The following NIT1 variants were observed in gnomAD, a reference collection of about 807,000 sequenced individuals.
NIT1 encodes the protein nitrilase 1.
In NIT1, 30 loss-of-function variants were observed where a neutral mutation model predicts 36.8. That is an observed-to-expected ratio of 0.82 (90% confidence interval 0.61 to 1.11). The LOEUF (loss-of-function observed/expected upper bound fraction) is 1.11, where lower values mean the gene tolerates loss of function less well. NIT1 is among the 50% of genes least tolerant of loss of function. The pLI is 0.00. For missense variants in NIT1, 438 were observed against 410.6 expected, an observed-to-expected ratio of 1.07 and a Z score of -0.58; for synonymous variants, 151 against 155.6, an observed-to-expected ratio of 0.97 and a Z score of 0.22.
chr1:161,124,401 T>C (rs771191193), downstream of NIT1: 3 of 1,613,352 alleles, frequency 1.9e-6, no homozygotes, highest in South Asian at 2.2e-5. Flanking sequence ...GTACAGCCCA[T>C]GTTCCTGCTC....
downstream of NIT1, chr1:161,125,445 A>T (rs1656063151): frequency 6.6e-6 from 1 of 152,188 alleles, no homozygotes; most frequent in African/African-American, 2.4e-5. Context: ...TTCTACAATA[A>T]GCATTCTTGT....
At chr1:161,119,454 T>C (rs865999622) in intron 3 of NIT1, 55 bp from the exon 4 acceptor site, 11 of 1,613,328 alleles carry the variant, frequency 6.8e-6, no homozygotes, top group East Asian at 4.5e-5. Context: ...TTGCCAGATA[T>C]GAGGGTAGAG....
chr1:161,122,550 G>C (rs1557976869), downstream of NIT1: 1 of 1,602,132 alleles, frequency 6.2e-7, no homozygotes, highest in South Asian at 1.1e-5. This position sits in a 1 kb window ranked among gnomAD's most constrained non-coding sequence, Gnocchi z 4.2. Flanking sequence ...ATACAGAGCA[G>C]AAGAGGTTAC....
In NIT1 at chr1:161,119,207, C is replaced by T; in HGVS notation, c.172C>T (p.Pro58Ser). Residue 58 changes from proline (P) to serine (S), a missense_variant, in exon 3 of 7, where the codon CCA (proline) becomes TCA (serine). Physicochemically the swap from Pro to Ser is moderately conservative, Grantham distance 74. Transcript: ENST00000368009. ...LVAVCQVTST[P>S]DKQQNFKTCA... ...GGCTGTGTGCCAGGTAACATCGACGCCAGACAAGCAACAGAACTTTAAAAC... is the reference window on the plus strand; with the variant it reads ...GGCTGTGTGCCAGGTAACATCGACGTCAGACAAGCAACAGAACTTTAAAAC... 1 of 1,614,204 alleles carries T rather than the reference C, an allele frequency of 6.2e-7. No homozygotes were observed.
At chr1:161,124,225 T>C (rs1198455155), downstream of NIT1, 2 of 1,614,244 alleles carry the variant, frequency 1.2e-6, no homozygotes, top group Non-Finnish European at 1.7e-6. Context: ...CGAAAGTTAC[T>C]TTCATCACAG....
chr1:161,123,072 C>T, downstream of NIT1: 1 of 1,614,216 alleles, frequency 6.2e-7, no homozygotes, highest in Non-Finnish European at 8.5e-7. Context: ...TGAACTTCCT[C>T]ACCACATGTC....
Position 161,118,135 on chromosome 1 carries a change from CCCT to C in NIT1, c.-39_-37del, listed in dbSNP as rs1397254410. 1 of 1,613,786 alleles carries C rather than the reference CCCT, an allele frequency of 6.2e-7. No individual in the cohort carries two copies. The highest frequency in any genetic ancestry group is 1.7e-5 in the Admixed American group (1 of 60,006). On this transcript the variant is annotated 5_prime_UTR_variant, in exon 1 of 7. Transcript: ENST00000368009. ...CTGCGGCGCTTCTGGCTCCAGACCG[CCCT>C]CCGGATCGGACCCTGCGAATGGTTT...
chr1:161,124,006 A>AC, downstream of NIT1: 1 of 1,594,088 alleles, frequency 6.3e-7, no homozygotes, highest in Non-Finnish European at 8.5e-7. Context: ...GTCAGTCCAA[A>AC]CCCCCAGTGG....
chr1:161,123,740 A>G, downstream of NIT1: 3 of 1,078,574 alleles, frequency 2.8e-6, no homozygotes, highest in Non-Finnish European at 4.1e-6. Context: ...ATGTGGGCGC[A>G]CAGCATCCTT....
At position 161,118,124 on chromosome 1, in the gene NIT1, G is replaced by T. The variant is rs551733325; in HGVS notation, c.-53G>T. On this transcript the variant is annotated 5_prime_UTR_variant, in exon 1 of 7. Coordinates refer to ENST00000368009, the MANE Select transcript of NIT1 (RefSeq NM_005600.3). Reference sequence around the variant, plus strand: ...CCGCCCACTCGCTGCGGCGCTTCTGGCTCCAGACCGCCCTCCGGATCGGAC... The same window carrying T: ...CCGCCCACTCGCTGCGGCGCTTCTGTCTCCAGACCGCCCTCCGGATCGGAC... 7 of 1,613,702 alleles carry T rather than the reference G, an allele frequency of 4.3e-6. No homozygotes were observed. The South Asian group carries it at 7.7e-5, about 18-fold the overall frequency.
chr1:161,123,342 T>C, downstream of NIT1: 2 of 1,023,168 alleles, frequency 2.0e-6, no homozygotes, highest in Admixed American at 4.6e-5. Flanking sequence ...AAAATGTGAC[T>C]TGAAAAGACA....
intron 1 of NIT1, chr1:161,118,527 C>T (rs1655071706): frequency 1.3e-6 from 2 of 1,536,054 alleles, no homozygotes; most frequent in Admixed American, 3.9e-5. Context: ...AAACGTTTGT[C>T]AGAGGAAAGA....
downstream of NIT1, among the ~76,000 whole-genome samples, chr1:161,122,807 C>T (rs181401042): frequency 9.2e-5 from 14 of 152,294 alleles, no homozygotes; most frequent in African/African-American, 3.1e-4. The surrounding 1 kb of genome is among the most constrained non-coding windows in gnomAD (Gnocchi z 4.2). Flanking sequence ...CATAGAAGTT[C>T]ATTTTAATAC....
downstream of NIT1, chr1:161,122,403 G>T (rs746734855): frequency 6.2e-7 from 1 of 1,614,248 alleles, no homozygotes; most frequent in Admixed American, 1.7e-5. This position sits in a 1 kb window ranked among gnomAD's most constrained non-coding sequence, Gnocchi z 4.2. Flanking sequence ...CTTGAGGATG[G>T]TGTTGGCCTG....
At chr1:161,123,059 C>A (rs1655700891), downstream of NIT1, 1 of 1,614,210 alleles carries the variant, frequency 6.2e-7, no homozygotes, top group Non-Finnish European at 8.5e-7. Context: ...TCTCTGGAAC[C>A]CTTGAACTTC....
intron 4 of NIT1, 26 bp from the exon 5 acceptor site, chr1:161,119,793 C>T (rs1162671016): frequency 1.3e-6 from 2 of 1,583,242 alleles, no homozygotes; most frequent in African/African-American, 2.7e-5. Context: ...AACACCAGCA[C>T]TGATATTCCT....
Position 161,120,779 on chromosome 1 carries a change from T to C in NIT1, c.*14T>C. The C allele has an allele frequency of 6.2e-7, 1 of 1,609,918 alleles. No individual in the cohort carries two copies. Among genetic ancestry groups the C allele is most frequent in the Non-Finnish European group, 8.5e-7 (1 of 1,178,684 alleles). On this transcript the variant is annotated 3_prime_UTR_variant, in exon 7 of 7. Coordinates refer to ENST00000368009, the MANE Select transcript of NIT1 (RefSeq NM_005600.3). Reference sequence around the variant, plus strand: ...CCACTGTCTTAAGACTTGACTTCTGTGAGTTTAGACCTGCCCCTCCCACCC... The same window carrying C: ...CCACTGTCTTAAGACTTGACTTCTGCGAGTTTAGACCTGCCCCTCCCACCC...
chr1:161,123,235 A>G (rs1056207579), downstream of NIT1: 3 of 1,609,042 alleles, frequency 1.9e-6, no homozygotes, highest in African/African-American at 1.3e-5. Context: ...ACCAGAAAGT[A>G]AAAGGGAAGA....
intron 1 of NIT1, 188 bp downstream of exon 1, chr1:161,118,366 G>A (rs1056412332): frequency 1.5e-5 from 23 of 1,522,576 alleles, no homozygotes; most frequent in Non-Finnish European, 1.8e-5. Flanking sequence ...CCAGGGAGGG[G>A]TGGGAGACGA....
Sources: gnomAD v4.1 joint callset for allele counts (sites outside exome capture counted in the v4.1 genomes callset) on GRCh38, gnomAD v4.1.1 for gene constraint, Gnocchi (gnomAD v3.1) non-coding constraint, MANE v1.5 for transcripts, NCBI Gene and HGNC (gene_info 2026-07-23, HGNC 2026-07-21) for gene names.